Variants in PALLD observed in about 807,000 individuals in gnomAD.
PALLD encodes the protein palladin, cytoskeletal associated protein, also known as palladin.
In PALLD, 61 loss-of-function variants were observed where a neutral mutation model predicts 123.5. The observed-to-expected ratio is 0.49, with a 90% CI of 0.40 to 0.61. The LOEUF (loss-of-function observed/expected upper bound fraction) is 0.61. PALLD is among the 20% of genes least tolerant of loss of function. The pLI, the probability that PALLD is intolerant of heterozygous loss-of-function variation, is 0.00. For missense variants in PALLD, 1,273 were observed against 1,377.0 expected, an observed-to-expected ratio of 0.92 and a Z score of 1.20; for synonymous variants, 465 against 496.4, an observed-to-expected ratio of 0.94 and a Z score of 0.84.
At chr4:168,564,555 T>C (rs1021696502) in intron 2 of PALLD, among the ~76,000 whole-genome samples, 4 of 152,210 alleles carry the variant, frequency 2.6e-5, no homozygotes, top group African/African-American at 9.7e-5. Flanking sequence ...AGATGTTTTC[T>C]ATATATGGTC....
intron 15 of PALLD, among the ~76,000 whole-genome samples, chr4:168,907,119 A>T (rs1362439718): frequency 6.6e-6 from 1 of 151,808 alleles, no homozygotes; most frequent in Non-Finnish European, 1.5e-5. Flanking sequence ...TAAAATGAGG[A>T]TGATAATAAT....
chr4:168,614,485 T>C (rs1580587077), intron 2 of PALLD, among the ~76,000 whole-genome samples: 1 of 152,180 alleles, frequency 6.6e-6, no homozygotes, highest in Non-Finnish European at 1.5e-5. Flanking sequence ...GAAATAGCTT[T>C]CTCCAATTTG....
At chr4:168,573,678 G>A (rs1769229332) in intron 2 of PALLD, among the ~76,000 whole-genome samples, 1 of 152,056 alleles carries the variant, frequency 6.6e-6, no homozygotes, top group Non-Finnish European at 1.5e-5. Context: ...AGGCTGAGAG[G>A]GTTAGAAAAG....
chr4:168,672,465 T>TC (rs1389720007), intron 3 of PALLD, among the ~76,000 whole-genome samples: 1 of 149,740 alleles, frequency 6.7e-6, no homozygotes, highest in East Asian at 1.9e-4. Flanking sequence ...GAGATTAACT[T>TC]TTTTTTTTTT....
chr4:168,696,999 G>A (rs1266252703), intron 8 of PALLD, among the ~76,000 whole-genome samples: 1 of 152,148 alleles, frequency 6.6e-6, no homozygotes, highest in Non-Finnish European at 1.5e-5. Flanking sequence ...CCCAGACCCA[G>A]GCACGTCATC....
At chr4:168,649,782 G>T (rs375775906) in intron 2 of PALLD, among the ~76,000 whole-genome samples, 3 of 152,204 alleles carry the variant, frequency 2.0e-5, no homozygotes, top group Admixed American at 1.3e-4. Context: ...GTCCTAAAAC[G>T]TATGTATTTC....
rs140049144 is a variant in PALLD, at chr4:168,880,902, T to C, written c.1965-10020T>C. Among the ~76,000 whole-genome samples the C allele has an allele frequency of 5.2e-3, 789 of 152,216 alleles. 4 individuals carry two copies. The highest frequency in any genetic ancestry group is 0.018 in the African/African-American group (738 of 41,530). On this transcript the variant is annotated intron_variant, in intron 10 of 21. Coordinates refer to ENST00000505667, the MANE Select transcript of PALLD (RefSeq NM_001166108.2). ...ATGTAAATTTCCAATATCTTAGTTTTCTTTTCTTTTCTTTTCTTTTTTTCT... is the reference window on the plus strand; with the variant it reads ...ATGTAAATTTCCAATATCTTAGTTTCCTTTTCTTTTCTTTTCTTTTTTTCT...
chr4:168,780,629 T>C (rs2150548653), intron 10 of PALLD, among the ~76,000 whole-genome samples: 1 of 152,362 alleles, frequency 6.6e-6, no homozygotes, highest in Non-Finnish European at 1.5e-5. Context: ...TGCAGTGTAA[T>C]GTCAAATATT....
intron 10 of PALLD, among the ~76,000 whole-genome samples, chr4:168,772,760 C>G (rs1734625572): frequency 6.6e-6 from 1 of 151,856 alleles, no homozygotes; most frequent in Non-Finnish European, 1.5e-5. Flanking sequence ...CTAGTGGGTG[C>G]TCAATAAATA....
intron 2 of PALLD, among the ~76,000 whole-genome samples, chr4:168,554,542 T>G (rs752183510): frequency 6.6e-6 from 1 of 152,210 alleles, no homozygotes; most frequent in Non-Finnish European, 1.5e-5. Context: ...TTACCTGTAT[T>G]TTTAGAATTG....
intron 3 of PALLD, among the ~76,000 whole-genome samples, chr4:168,681,089 AAATC>A (rs1389995358): frequency 2.6e-5 from 4 of 152,220 alleles, no homozygotes; most frequent in East Asian, 1.9e-4. Context: ...AATTAATAAT[AAATC>A]TGTCATTAAA....
intron 10 of PALLD, among the ~76,000 whole-genome samples, chr4:168,889,102 C>T (rs919932309): frequency 1.2e-4 from 18 of 149,414 alleles, no homozygotes; most frequent in Admixed American, 4.7e-4. Context: ...AGTGCCTTGA[C>T]GCTTTGGCAG....
At chr4:168,590,873 T>G (rs1464435846) in intron 2 of PALLD, among the ~76,000 whole-genome samples, 10 of 134,694 alleles carry the variant, frequency 7.4e-5, no homozygotes, top group South Asian at 5.3e-4. Context: ...AGTTTTTTTT[T>G]TTTTTTTTTT....
chr4:168,713,968 T>TC (rs1373309787), intron 10 of PALLD, among the ~76,000 whole-genome samples: 2 of 129,248 alleles, frequency 1.5e-5, no homozygotes, highest in Non-Finnish European at 3.2e-5. Flanking sequence ...TTTTTTTTTT[T>TC]CAAATCTTCG....
intron 3 of PALLD, among the ~76,000 whole-genome samples, chr4:168,670,210 C>A (rs1480176332): frequency 6.6e-6 from 1 of 152,122 alleles, no homozygotes; most frequent in Non-Finnish European, 1.5e-5. Flanking sequence ...TCTTTATTTG[C>A]TTGCAAGATT....
chr4:168,882,956 G>C (rs1023703061), intron 10 of PALLD, among the ~76,000 whole-genome samples: 1 of 152,108 alleles, frequency 6.6e-6, no homozygotes, highest in African/African-American at 2.4e-5. Flanking sequence ...CGGGCATGGT[G>C]GTGTGCACCT....
At chr4:168,801,423 C>T (rs1400053942) in intron 10 of PALLD, among the ~76,000 whole-genome samples, 7 of 152,062 alleles carry the variant, frequency 4.6e-5, no homozygotes, top group Admixed American at 4.6e-4. Context: ...GGATTATAGG[C>T]GCATGCCACC....
intron 10 of PALLD, among the ~76,000 whole-genome samples, chr4:168,877,066 G>A (rs916077450): frequency 6.6e-6 from 1 of 152,164 alleles, no homozygotes; most frequent in African/African-American, 2.4e-5. Flanking sequence ...GAAGTCACTT[G>A]TTTACATGTG....
intron 10 of PALLD, among the ~76,000 whole-genome samples, chr4:168,721,172 A>G (rs966830656): frequency 4.6e-5 from 7 of 152,246 alleles, no homozygotes; most frequent in African/African-American, 1.7e-4. Context: ...ACATGAAGGA[A>G]TACATGATGA....
Sources: allele counts gnomAD v4.1 joint callset (sites outside exome capture counted in the v4.1 genomes callset), GRCh38; gene constraint gnomAD v4.1.1; transcripts MANE v1.5; gene names NCBI Gene and HGNC (gene_info 2026-07-23, HGNC 2026-07-21).